Variants in CDH12 observed in about 807,000 individuals in gnomAD.
CDH12 encodes the protein cadherin 12.
Under a neutral mutation model 74.1 loss-of-function variants are expected in CDH12, and 41 were observed. That is an observed-to-expected ratio of 0.55 (90% CI 0.43 to 0.72). The LOEUF (loss-of-function observed/expected upper bound fraction) is 0.72, where lower values mean the gene tolerates loss of function less well. CDH12 is among the 30% of genes least tolerant of loss of function. The pLI, the probability that CDH12 is intolerant of heterozygous loss-of-function variation, is 0.00. For synonymous variants in CDH12, 399 were observed against 355.0 expected (o/e 1.12, Z -1.39); for missense variants, 945 against 977.2 (o/e 0.97, Z 0.44).
intron 3 of CDH12, among the ~76,000 whole-genome samples, chr5:22,252,388 T>TAA (rs370290188): frequency 2.7e-4 from 40 of 148,882 alleles, no homozygotes; most frequent in East Asian, 2.0e-3. Context: ...GTTCCAAACT[T>TAA]AAAAAAAAAA....
chr5:22,277,967 G>C (rs928556813), intron 3 of CDH12: 1 of 152,260 alleles, frequency 6.6e-6, no homozygotes, highest in African/African-American at 2.4e-5. Flanking sequence ...AAACTTAGAG[G>C]AATGACCTTG....
At chr5:22,081,121 G>A (rs1395216025) in intron 4 of CDH12, among the ~76,000 whole-genome samples, 1 of 151,982 alleles carries the variant, frequency 6.6e-6, no homozygotes, top group East Asian at 1.9e-4. Context: ...ATTAACATTT[G>A]ATATGCAACT....
chr5:22,669,853 TCTAA>T (rs2126911393), intron 1 of CDH12, among the ~76,000 whole-genome samples: 1 of 152,306 alleles, frequency 6.6e-6, no homozygotes, highest in South Asian at 2.1e-4. Context: ...TGAGCTTATT[TCTAA>T]CTTTCAGTAA....
At chr5:22,333,539 A>C (rs755450983) in intron 3 of CDH12, among the ~76,000 whole-genome samples, 20 of 152,158 alleles carry the variant, frequency 1.3e-4, no homozygotes, top group Non-Finnish European at 2.5e-4. Flanking sequence ...TTCACTGCTA[A>C]ATTCTACCAA....
intron 1 of CDH12, among the ~76,000 whole-genome samples, chr5:22,568,407 C>T (rs1464040908): frequency 1.3e-5 from 2 of 152,152 alleles, no homozygotes; most frequent in African/African-American, 4.8e-5. Context: ...TATGTCTACA[C>T]TTGATGCCTC....
At chr5:22,850,666 G>T (rs1228191175) in intron 1 of CDH12, among the ~76,000 whole-genome samples, 2 of 151,988 alleles carry the variant, frequency 1.3e-5, no homozygotes, top group African/African-American at 4.8e-5. Flanking sequence ...GCAATAATTT[G>T]CTAGAAGATG....
At chr5:21,895,194 C>T (rs1245075140) in intron 6 of CDH12, among the ~76,000 whole-genome samples, 2 of 152,078 alleles carry the variant, frequency 1.3e-5, no homozygotes, top group Non-Finnish European at 2.9e-5. Flanking sequence ...CAAGAAGCTT[C>T]CAAAGTGATT....
intron 1 of CDH12, among the ~76,000 whole-genome samples, chr5:22,628,311 G>A (rs369772285): frequency 4.6e-5 from 7 of 151,946 alleles, no homozygotes; most frequent in Admixed American, 2.6e-4. Context: ...TCTTGTCTGC[G>A]CATGAACTAT....
At chr5:22,046,673 G>T (rs1246354850) in intron 5 of CDH12, among the ~76,000 whole-genome samples, 4 of 151,984 alleles carry the variant, frequency 2.6e-5, no homozygotes, top group Non-Finnish European at 4.4e-5. Flanking sequence ...AGTGACACAT[G>T]GTTGAAAGAT....
intron 3 of CDH12, among the ~76,000 whole-genome samples, chr5:22,332,979 G>T (rs1197522236): frequency 6.6e-6 from 1 of 151,986 alleles, no homozygotes; most frequent in Non-Finnish European, 1.5e-5. Context: ...TATACCCAAA[G>T]GATTATAAAT....
intron 1 of CDH12, among the ~76,000 whole-genome samples, chr5:22,602,740 C>A (rs1443436099): frequency 6.6e-6 from 1 of 152,084 alleles, no homozygotes; most frequent in Non-Finnish European, 1.5e-5. Flanking sequence ...TAGCTAACAC[C>A]ATGTTTCACT....
At position 22,315,924 on chromosome 5, in the gene CDH12, T is replaced by G. The variant is rs1330712882; in HGVS notation, c.-333+89333A>C. ...TTTTTTTTTTAATTCTTTTGCAGAC[T>G]GCTAATACCTGTCTTACTCTATAAT... On this transcript the variant is annotated intron_variant, in intron 3 of 14. Coordinates refer to ENST00000382254, the MANE Select transcript of CDH12 (RefSeq NM_004061.5). Among the ~76,000 whole-genome samples, 3 of 152,148 alleles carry G rather than the reference T, an allele frequency of 2.0e-5. No homozygotes were observed. In the South Asian group the frequency reaches 6.2e-4, roughly 32 times the overall value.
chr5:22,256,145 T>C (rs1376125653), intron 3 of CDH12, among the ~76,000 whole-genome samples: 2 of 152,144 alleles, frequency 1.3e-5, no homozygotes, highest in South Asian at 2.1e-4. Context: ...TTGGAAGAAG[T>C]GTAAAATATT....
intron 1 of CDH12, among the ~76,000 whole-genome samples, chr5:22,738,803 A>G (rs904122492): frequency 1.3e-5 from 2 of 152,072 alleles, no homozygotes; most frequent in African/African-American, 4.8e-5. Flanking sequence ...AGGAAAAGAA[A>G]TAAGCTACCA....
intron 1 of CDH12, among the ~76,000 whole-genome samples, chr5:22,833,351 T>C (rs1308109514): frequency 6.6e-6 from 1 of 152,180 alleles, no homozygotes; most frequent in African/African-American, 2.4e-5. Flanking sequence ...GCCACATAGT[T>C]GAGATTCAGT....
At chr5:22,534,842 T>C (rs921935196) in intron 1 of CDH12, among the ~76,000 whole-genome samples, 4 of 151,644 alleles carry the variant, frequency 2.6e-5, no homozygotes, top group Admixed American at 1.3e-4. Context: ...ACAGGGTAAT[T>C]AGTAGTTAAA....
At chr5:22,056,265 T>G (rs542483093) in intron 5 of CDH12, among the ~76,000 whole-genome samples, 1 of 152,266 alleles carries the variant, frequency 6.6e-6, no homozygotes, top group African/African-American at 2.4e-5. Context: ...AAAGTATATA[T>G]TTGGTTTTGA....
chr5:22,325,288 A>T lies in CDH12; in HGVS notation c.-333+79969T>A, dbSNP rs189793964. ...TTATGTGATATAATGAATACAAGTT[A>T]TAGTACTAAACCTCAGAGCAAAAAG... is the stretch of plus-strand genomic sequence containing the variant. On this transcript the variant is annotated intron_variant, in intron 3 of 14. Transcript: ENST00000382254. 1.6e-3 allele frequency among the ~76,000 whole-genome samples: 246 copies of T among 152,308 alleles called. 4 individuals are homozygous for T. Among genetic ancestry groups the T allele is most frequent in the African/African-American group, 5.8e-3 (243 of 41,558 alleles).
Position 22,769,660 on chromosome 5 carries a change from C to A in CDH12, c.-523+83398G>T, listed in dbSNP as rs191041443. Among the ~76,000 whole-genome samples the A allele has an allele frequency of 7.9e-5, 12 of 152,158 alleles. No homozygotes were observed. In the East Asian group the frequency reaches 1.2e-3, roughly 15 times the overall value. ...TGTCTCTCTGGAAACCCCTAATACA[C>A]CCCCATCCTCCTATTAGTTCTATAT... On this transcript the variant is annotated intron_variant, in intron 1 of 14. Coordinates refer to ENST00000382254, the MANE Select transcript of CDH12 (RefSeq NM_004061.5).
Sources: allele counts gnomAD v4.1 joint callset (sites outside exome capture counted in the v4.1 genomes callset), GRCh38; gene constraint gnomAD v4.1.1; transcripts MANE v1.5; gene names NCBI Gene and HGNC (gene_info 2026-07-23, HGNC 2026-07-21).